The following SLC9C2 variants were observed in gnomAD, a reference collection of about 807,000 sequenced individuals.
SLC9C2 encodes the protein sodium/hydrogen exchanger 11.
Under a neutral mutation model 140.2 loss-of-function variants are expected in SLC9C2, and 75 were observed. The ratio of observed to expected loss-of-function variants is 0.53; its 90% CI spans 0.44 to 0.65. SLC9C2 has a LOEUF of 0.65. Ranked by LOEUF, SLC9C2 falls within the 30% of genes least tolerant of loss-of-function variation. The pLI is 0.00. For missense variants in SLC9C2, 1,074 were observed against 1,331.8 expected (o/e 0.81, Z 3.01); for synonymous variants, 375 against 420.9 (o/e 0.89, Z 1.34).
At chr1:173,501,208 T>C (rs1210348807) in intron 27 of SLC9C2, 111 bp from the exon 28 acceptor site, 3 of 1,105,376 alleles carry the variant, frequency 2.7e-6, no homozygotes, top group Non-Finnish European at 3.7e-6. Context: ...TTTTATTATC[T>C]GAAACATTCC....
At chr1:173,510,099 A>G (rs1659935246) in intron 23 of SLC9C2, among the ~76,000 whole-genome samples, 1 of 152,216 alleles carries the variant, frequency 6.6e-6, no homozygotes, top group East Asian at 1.9e-4. Flanking sequence ...CTGAATAAAA[A>G]AGATACACTT....
In SLC9C2 at chr1:173,533,723, G is replaced by T; in HGVS notation, c.2049C>A (p.Ile683=). 6.2e-7 allele frequency: 1 copy of T among 1,609,928 alleles called. No individual in the cohort carries two copies. Among genetic ancestry groups the T allele is most frequent in the Non-Finnish European group, 8.5e-7 (1 of 1,176,918 alleles). ...CAAAGTATACACAAAAGATATCAAT[G>T]ATTCCAATAACCAGGATAAAAAATT... ...TLEFFILVIG[I]IDIFCVYFVK... The change falls in exon 17 of 28, where the codon ATC becomes ATA. Residue 683 remains isoleucine (I), a synonymous_variant. Coordinates refer to ENST00000367714, the MANE Select transcript of SLC9C2 (RefSeq NM_178527.4).
chr1:173,595,523 T>G (rs985812065), intron 4 of SLC9C2, among the ~76,000 whole-genome samples: 7 of 152,152 alleles, frequency 4.6e-5, no homozygotes, highest in African/African-American at 1.7e-4. Context: ...ATATTTTACA[T>G]AAGCCTATTG....
intron 8 of SLC9C2, among the ~76,000 whole-genome samples, chr1:173,575,127 AT>A (rs1337713229): frequency 2.0e-5 from 3 of 152,016 alleles, no homozygotes; most frequent in Non-Finnish European, 2.9e-5. Context: ...CTCAAAAGAA[AT>A]TTTTTTTCAA....
chr1:173,569,991 C>T (rs1664741540), intron 9 of SLC9C2, among the ~76,000 whole-genome samples: 1 of 152,160 alleles, frequency 6.6e-6, no homozygotes, highest in Non-Finnish European at 1.5e-5. Flanking sequence ...CCCATGTTCA[C>T]TTAAGGCCCA....
At chr1:173,561,207 T>C (rs1664079777) in intron 9 of SLC9C2, among the ~76,000 whole-genome samples, 1 of 152,216 alleles carries the variant, frequency 6.6e-6, no homozygotes, top group African/African-American at 2.4e-5. Context: ...TGAGGAGAGA[T>C]GCTGTGTTTT....
At chr1:173,523,297 G>A (rs1017002253) in intron 21 of SLC9C2, among the ~76,000 whole-genome samples, 8 of 151,506 alleles carry the variant, frequency 5.3e-5, no homozygotes, top group Admixed American at 1.3e-4. Context: ...ACTTGAACCC[G>A]GGAGGCGGAG....
chr1:173,525,565 T>C (rs1661138409), intron 19 of SLC9C2, among the ~76,000 whole-genome samples: 2 of 152,342 alleles, frequency 1.3e-5, no homozygotes, highest in South Asian at 4.1e-4. Context: ...GAAACCTGGC[T>C]CACTACTTAC....
At chr1:173,591,808 A>G (rs988582230) in intron 4 of SLC9C2, among the ~76,000 whole-genome samples, 15 of 152,092 alleles carry the variant, frequency 9.9e-5, no homozygotes, top group Non-Finnish European at 2.1e-4. Flanking sequence ...ATTTTATCCT[A>G]TTCTATAGGC....
At chr1:173,530,816 C>G (rs186432890) in intron 17 of SLC9C2, among the ~76,000 whole-genome samples, 1 of 151,914 alleles carries the variant, frequency 6.6e-6, no homozygotes, top group Non-Finnish European at 1.5e-5. Context: ...GGGCAGATGG[C>G]GAGGGACTGG....
At chr1:173,512,009 A>G (rs1190748829) in intron 23 of SLC9C2, among the ~76,000 whole-genome samples, 3 of 152,076 alleles carry the variant, frequency 2.0e-5, no homozygotes, top group African/African-American at 4.8e-5. Flanking sequence ...CCATTGGTCC[A>G]TATGTCTGTT....
chr1:173,553,754 T>C (rs1233907931), intron 11 of SLC9C2, among the ~76,000 whole-genome samples: 2 of 152,366 alleles, frequency 1.3e-5, no homozygotes, highest in East Asian at 1.9e-4. Flanking sequence ...GTGATATTTA[T>C]TGCATTATTT....
chr1:173,566,593 G>T (rs1345886982), intron 9 of SLC9C2, among the ~76,000 whole-genome samples: 1 of 151,588 alleles, frequency 6.6e-6, no homozygotes, highest in Non-Finnish European at 1.5e-5. Flanking sequence ...CTAGGTAAAG[G>T]TTTGTCATTT....
intron 23 of SLC9C2, among the ~76,000 whole-genome samples, chr1:173,510,190 T>C (rs1235728883): frequency 2.6e-5 from 4 of 152,154 alleles, no homozygotes; most frequent in East Asian, 3.8e-4. Context: ...CTTCCAAAAA[T>C]GAAATGACAT....
chr1:173,582,034 A>G, intron 6 of SLC9C2, 26 bp from the exon 7 acceptor site: 2 of 1,463,302 alleles, frequency 1.4e-6, no homozygotes, highest in South Asian at 2.9e-5. Context: ...AAAAAATAAG[A>G]AATAAAAACT....
intron 23 of SLC9C2, among the ~76,000 whole-genome samples, chr1:173,510,543 T>C (rs369358580): frequency 6.6e-6 from 1 of 152,200 alleles, no homozygotes; most frequent in Non-Finnish European, 1.5e-5. Context: ...TGTCCATGTG[T>C]TCTCATTGTT....
Position 173,544,226 on chromosome 1 carries a change from A to C in SLC9C2, c.1557+3463T>G, listed in dbSNP as rs1359634449. Among the ~76,000 whole-genome samples, 7 of 152,360 alleles carry C rather than the reference A, an allele frequency of 4.6e-5. No individual in the cohort carries two copies. In the South Asian group the frequency reaches 1.5e-3, roughly 32 times the overall value. ...ATGAACAGCCACTTCTCAAAAGAAG[A>C]CACTTATGCAGCCAACAGACACATG... On this transcript the variant is annotated intron_variant, in intron 13 of 27. Transcript: ENST00000367714.
chr1:173,523,728 T>G (rs1044862334), intron 21 of SLC9C2, among the ~76,000 whole-genome samples: 1 of 152,318 alleles, frequency 6.6e-6, no homozygotes, highest in East Asian at 1.9e-4. Context: ...TAGAATGGGA[T>G]TGGTAATAGT....
intron 13 of SLC9C2, among the ~76,000 whole-genome samples, chr1:173,537,543 C>T (rs1261790574): frequency 6.6e-6 from 1 of 152,008 alleles, no homozygotes; most frequent in Non-Finnish European, 1.5e-5. Flanking sequence ...GTCTGGGCAA[C>T]AGAGCAAGAC....
Sources: allele counts gnomAD v4.1 joint callset (sites outside exome capture counted in the v4.1 genomes callset), GRCh38; gene constraint gnomAD v4.1.1; transcripts MANE v1.5; gene names NCBI Gene and HGNC (gene_info 2026-07-23, HGNC 2026-07-21).